ABHD3: variants seen among roughly 807,000 people sequenced by gnomAD.
The protein encoded by ABHD3 is phospholipase ABHD3.
ABHD3 carries 46 observed loss-of-function variants against 48.8 expected under a neutral mutation model. The observed-to-expected ratio is 0.94, with a 90% CI of 0.74 to 1.20. ABHD3 has a LOEUF of 1.20. Among genes scored for constraint, ABHD3 ranks in the 50% most tolerant of loss-of-function variants. The pLI, the probability that ABHD3 is intolerant of heterozygous loss-of-function variation, is 0.00. For missense variants in ABHD3, 490 were observed against 497.8 expected (o/e 0.98, Z 0.15); for synonymous variants, 192 against 183.7 (o/e 1.04, Z -0.36).
intron 5 of ABHD3, 178 bp downstream of exon 5, chr18:21,663,940 C>T: frequency 7.0e-7 from 1 of 1,427,700 alleles, no homozygotes; most frequent in Non-Finnish European, 9.1e-7. Flanking sequence ...TAAAATTCAC[C>T]TGAATTAATT....
At chr18:21,697,734 A>C (rs1043883966) in intron 3 of ABHD3, among the ~76,000 whole-genome samples, 2 of 152,198 alleles carry the variant, frequency 1.3e-5, no homozygotes, top group Non-Finnish European at 2.9e-5. Context: ...CAATTATCTT[A>C]AACAAACTTA....
chr18:21,652,434 AAG>A (rs1295915744), intron 8 of ABHD3, among the ~76,000 whole-genome samples: 2 of 152,062 alleles, frequency 1.3e-5, no homozygotes, highest in Admixed American at 6.6e-5. Flanking sequence ...GAAAAAGAAA[AAG>A]AGAAAGAACG....
intron 3 of ABHD3, among the ~76,000 whole-genome samples, chr18:21,697,404 G>C (rs1248700236): frequency 2.6e-5 from 4 of 151,732 alleles, no homozygotes; most frequent in African/African-American, 9.7e-5. Context: ...AACTGAGACA[G>C]AGTCTCACTC....
intron 3 of ABHD3, among the ~76,000 whole-genome samples, chr18:21,692,305 C>T (rs1249151305): frequency 6.6e-6 from 1 of 152,090 alleles, no homozygotes; most frequent in African/African-American, 2.4e-5. Context: ...AAATTACTAA[C>T]TTTTGTTAGT....
intron 4 of ABHD3, chr18:21,683,549 C>A: frequency 2.0e-6 from 1 of 510,256 alleles, no homozygotes; most frequent in Non-Finnish European, 4.0e-6. Context: ...CAGTTCTTCC[C>A]AGAGTCAGGA....
rs139550487 is a variant in ABHD3 at position 21,703,697 on chromosome 18, G to C, written c.213C>G (p.Asp71Glu). The change falls in exon 2 of 9, where the codon GAC becomes GAG. Residue 71 changes from aspartate (D) to glutamate (E), a missense_variant. Physicochemically the swap from Asp to Glu is conservative, Grantham distance 45. Coordinates refer to ENST00000289119, the MANE Select transcript of ABHD3 (RefSeq NM_138340.5). ...GGESFSRFLQ[D>E]HCPVVTETYY... ...ACGTTTCTGTAACCACGGGACAGTGGTCTTGAAGGAAGCGGCTGAAACTCT... is the reference window on the plus strand; with the variant it reads ...ACGTTTCTGTAACCACGGGACAGTGCTCTTGAAGGAAGCGGCTGAAACTCT... 1 of 1,614,054 alleles carries C rather than the reference G, an allele frequency of 6.2e-7. No individual in the cohort carries two copies. Among genetic ancestry groups the C allele is most frequent in the Non-Finnish European group, 8.5e-7 (1 of 1,180,002 alleles).
At chr18:21,666,567 T>A (rs950552129) in intron 4 of ABHD3, among the ~76,000 whole-genome samples, 1 of 152,178 alleles carries the variant, frequency 6.6e-6, no homozygotes, top group Non-Finnish European at 1.5e-5. Context: ...TGACCTCAAA[T>A]GATCTACCCG....
At chr18:21,676,164 T>C (rs994314429) in intron 4 of ABHD3, among the ~76,000 whole-genome samples, 3 of 152,158 alleles carry the variant, frequency 2.0e-5, no homozygotes, top group Admixed American at 2.0e-4. Flanking sequence ...AACACAAACA[T>C]TGGGTCTACA....
chr18:21,685,718 GAC>G lies in ABHD3; in HGVS notation c.510-1755_510-1754del, dbSNP rs1293656283. 3.3e-5 allele frequency among the ~76,000 whole-genome samples: 5 copies of G among 151,642 alleles called. No individual in the cohort carries two copies. The East Asian group carries it at 9.7e-4, about 29-fold the overall frequency. ...CTAATTTTTATTCTTTTTTTTTTGA[GAC>G]AGAGTCTCGCTCTATCACCCACACT... On this transcript the variant is annotated intron_variant, in intron 3 of 8. Transcript: ENST00000289119.
chr18:21,678,280 A>G (rs1023295442), intron 4 of ABHD3, among the ~76,000 whole-genome samples: 2 of 152,162 alleles, frequency 1.3e-5, no homozygotes, highest in African/African-American at 2.4e-5. Flanking sequence ...GTGAGAACAT[A>G]TATTTTCATT....
chr18:21,669,669 C>T (rs1268340550), intron 4 of ABHD3, among the ~76,000 whole-genome samples: 1 of 152,152 alleles, frequency 6.6e-6, no homozygotes, highest in African/African-American at 2.4e-5. Flanking sequence ...CCATTTTCCT[C>T]TTCATGAAAA....
At position 21,658,838 on chromosome 18, in the gene ABHD3, GTT is replaced by G. The variant is rs564228924; in HGVS notation, c.842+330_842+331del. 1.8e-4 allele frequency among the ~76,000 whole-genome samples: 25 copies of G among 136,620 alleles called. No individual in the cohort carries two copies. The East Asian group carries it at 2.3e-3, about 13-fold the overall frequency. 89.6% of individuals were successfully genotyped at this position (136,620 alleles called of 152,430 possible). On this transcript the variant is annotated intron_variant, in intron 6 of 8. Coordinates refer to ENST00000289119, the MANE Select transcript of ABHD3 (RefSeq NM_138340.5). ...GGCATGTAATCATTTGGAGACAATA[GTT>G]TTTTTTTTTTTTTTTTGAGACGGAG...
At chr18:21,671,721 T>A (rs866190559) in intron 4 of ABHD3, among the ~76,000 whole-genome samples, 1 of 152,224 alleles carries the variant, frequency 6.6e-6, no homozygotes, top group South Asian at 2.1e-4. Context: ...TAGAATAATT[T>A]GATGATAATT....
intron 6 of ABHD3, among the ~76,000 whole-genome samples, chr18:21,657,881 AAATT>A (rs2039394907): frequency 6.6e-6 from 1 of 152,146 alleles, no homozygotes. Flanking sequence ...AAAATAAAAA[AAATT>A]AAAGAAAGAA....
chr18:21,704,658 C>CGCT lies in ABHD3; in HGVS notation c.5_7dup (p.Gln2dup). 6.6e-7 allele frequency: 1 copy of CGCT among 1,505,176 alleles called. No homozygotes were observed. The highest frequency in any genetic ancestry group is 8.9e-7 in the Non-Finnish European group (1 of 1,128,630). The allele number at this position is 1,505,176 out of a possible 1,614,324, so 93.2% of individuals were successfully genotyped here. On this transcript the variant is annotated inframe_insertion, in exon 1 of 9. Transcript: ENST00000289119. ...CAACATCCGCAGGTCCATGGCCAGGCGCTGCATGGCCCCCGAGCGCGGCGC... is the reference window on the plus strand; with the variant it reads ...CAACATCCGCAGGTCCATGGCCAGGCGCTGCTGCATGGCCCCCGAGCGCGGCGC...
intron 3 of ABHD3, among the ~76,000 whole-genome samples, chr18:21,691,383 C>CT (rs2040248588): frequency 6.6e-6 from 1 of 152,126 alleles, no homozygotes; most frequent in Admixed American, 6.6e-5. Flanking sequence ...AAAACATTAT[C>CT]AATAGTAACC....
chr18:21,666,162 T>A (rs902340816), intron 4 of ABHD3, among the ~76,000 whole-genome samples: 1 of 152,048 alleles, frequency 6.6e-6, no homozygotes, highest in African/African-American at 2.4e-5. Flanking sequence ...GCTTCCTGAG[T>A]AGCTGGGACT....
At chr18:21,672,799 T>G (rs1053843694) in intron 4 of ABHD3, among the ~76,000 whole-genome samples, 3 of 152,162 alleles carry the variant, frequency 2.0e-5, no homozygotes, top group African/African-American at 7.2e-5. Flanking sequence ...TACTTGCACA[T>G]AAATAAAACC....
chr18:21,695,589 T>TTTTGCCATTACTTTTAATGGCATTAAA (rs560719650), intron 3 of ABHD3, among the ~76,000 whole-genome samples: 11 of 152,212 alleles, frequency 7.2e-5, no homozygotes, highest in East Asian at 5.8e-4. Flanking sequence ...TTACTTTTAT[T>TTTTGCCATTACTTTTAATGGCATTAAA]TTTGCCATTA....
Sources: allele counts gnomAD v4.1 joint callset (sites outside exome capture counted in the v4.1 genomes callset), GRCh38; gene constraint gnomAD v4.1.1; transcripts MANE v1.5; gene names NCBI Gene and HGNC (gene_info 2026-07-23, HGNC 2026-07-21).